Variants in PDS5B observed in about 807,000 individuals in gnomAD.
PDS5B encodes the protein PDS5 cohesin associated factor B, also known as sister chromatid cohesion protein PDS5 homolog B.
In PDS5B, 51 loss-of-function variants were observed where a neutral mutation model predicts 184.1. That is an observed-to-expected ratio of 0.28 (90% CI 0.22 to 0.35). The LOEUF is 0.35. PDS5B is among the 10% of genes least tolerant of loss of function. The pLI is 1.00. For synonymous variants in PDS5B, 566 were observed against 569.2 expected (o/e 0.99, Z 0.08); for missense variants, 1,180 against 1,723.3 (o/e 0.68, Z 5.58).
intron 6 of PDS5B, among the ~76,000 whole-genome samples, chr13:32,663,329 GAA>G (rs572233586): frequency 1.8e-5 from 2 of 108,906 alleles, no homozygotes; most frequent in Non-Finnish European, 4.0e-5. Flanking sequence ...AACCAAGCAA[GAA>G]AAAAAAAAAA....
intron 19 of PDS5B, among the ~76,000 whole-genome samples, chr13:32,714,812 G>A (rs1952322629): frequency 6.6e-6 from 1 of 152,044 alleles, no homozygotes; most frequent in South Asian, 2.1e-4. Context: ...TATATAATTT[G>A]TGTAGTTAAC....
rs768465820 is a variant in PDS5B at position 32,638,759 on chromosome 13, A to C, written c.-19-9995A>C. On this transcript the variant is annotated intron_variant, in intron 1 of 34. Coordinates refer to ENST00000315596, the MANE Select transcript of PDS5B (RefSeq NM_015032.4). ...AGGATGGGATTTTGTGTGCTTATGAAGGGGTTAGTGTTTTGATGTGAGGAG... is the reference window on the plus strand; with the variant it reads ...AGGATGGGATTTTGTGTGCTTATGACGGGGTTAGTGTTTTGATGTGAGGAG... 3.0e-4 allele frequency among the ~76,000 whole-genome samples: 45 copies of C among 152,112 alleles called. No homozygotes were observed. The Middle Eastern group carries it at 0.014, about 46-fold the overall frequency.
intron 1 of PDS5B, among the ~76,000 whole-genome samples, chr13:32,594,142 C>T (rs2057819740): frequency 6.6e-6 from 1 of 152,058 alleles, no homozygotes; most frequent in African/African-American, 2.4e-5. Flanking sequence ...AAATAAAACC[C>T]CCGAACCTAC....
intron 1 of PDS5B, among the ~76,000 whole-genome samples, chr13:32,633,902 CTTTTATGCCCA>C (rs1475244303): frequency 6.6e-6 from 1 of 152,114 alleles, no homozygotes; most frequent in East Asian, 1.9e-4. Flanking sequence ...ATGGGTGGTA[CTTTTATGCCCA>C]TTTTATTGTC....
intron 13 of PDS5B, chr13:32,690,428 T>C (rs1217161868): frequency 1.3e-5 from 2 of 152,078 alleles, no homozygotes; most frequent in Non-Finnish European, 2.9e-5. Flanking sequence ...AAGTAATGAG[T>C]ATGAAGGTGT....
chr13:32,703,831 A>G (rs1951930668), intron 17 of PDS5B, among the ~76,000 whole-genome samples: 1 of 152,234 alleles, frequency 6.6e-6, no homozygotes, highest in African/African-American at 2.4e-5. Context: ...TGTTTCAAAT[A>G]GAAAAGTTGA....
Position 32,761,610 on chromosome 13 carries a change from G to A in PDS5B, c.3518+890G>A, listed in dbSNP as rs1328653624. Among the ~76,000 whole-genome samples the A allele has an allele frequency of 3.9e-5, 6 of 152,016 alleles. No individual in the cohort carries two copies. In the East Asian group the frequency reaches 9.6e-4, roughly 24 times the overall value. ...CTGTGTTAATTTGCTCAGGACTGTG[G>A]CCTTCTTGCTGTGAAGTACATGATT... On this transcript the variant is annotated intron_variant, in intron 30 of 34. Coordinates refer to ENST00000315596, the MANE Select transcript of PDS5B (RefSeq NM_015032.4).
intron 1 of PDS5B, among the ~76,000 whole-genome samples, chr13:32,629,205 G>A (rs936774688): frequency 2.0e-5 from 3 of 151,972 alleles, no homozygotes; most frequent in Admixed American, 1.3e-4. Flanking sequence ...TTGGTTAGAA[G>A]AGTTTGTTTC....
At chr13:32,617,937 C>T (rs2140526621) in intron 1 of PDS5B, among the ~76,000 whole-genome samples, 1 of 152,262 alleles carries the variant, frequency 6.6e-6, no homozygotes. Context: ...AAATTTATTT[C>T]TCACAGTTCT....
intron 10 of PDS5B, among the ~76,000 whole-genome samples, chr13:32,680,421 A>C (rs1398379107): frequency 1.3e-5 from 2 of 152,208 alleles, no homozygotes; most frequent in Admixed American, 1.3e-4. Context: ...TCATCCTGTC[A>C]AATTTCTAAT....
intron 1 of PDS5B, among the ~76,000 whole-genome samples, chr13:32,590,964 A>T (rs1229679616): frequency 7.4e-6 from 1 of 136,046 alleles, no homozygotes; most frequent in Non-Finnish European, 1.5e-5. Context: ...GGTATATGGT[A>T]AAAAAAAAAA....
Position 32,770,155 on chromosome 13 carries a change from C to G in PDS5B, c.3659C>G (p.Thr1220Arg), listed in dbSNP as rs199723708. The G allele has an allele frequency of 2.5e-6, 4 of 1,612,084 alleles. No homozygotes were observed. The East Asian group carries it at 8.9e-5, about 36-fold the overall frequency. ...GAGAAGCCTAGAGGCAGGAAAAAAA[C>G]GCCCGTCACAGAACAGGAGGAGAAA... Reference protein sequence around the residue: ...ELEKPRGRKKTPVTEQEEKLG... With the variant: ...ELEKPRGRKKRPVTEQEEKLG... Residue 1220 changes from threonine (T) to arginine (R), a missense_variant, in exon 32 of 35, where the codon ACG becomes AGG. By Grantham distance (71) the Thr-to-Arg change is moderately conservative. This residue lies in a region of PDS5B where 465 missense variants were observed against 497.8 expected (regional missense o/e 0.93). Transcript: ENST00000315596.
rs533924925 is a variant in PDS5B, at chr13:32,614,107, G to A, written c.-20+27514G>A. ...TTGGTGTATATCTCATTGTGCCAGTGCTGTACTGTCTTAGTTAATGTAGCT... is the reference window on the plus strand; with the variant it reads ...TTGGTGTATATCTCATTGTGCCAGTACTGTACTGTCTTAGTTAATGTAGCT... On this transcript the variant is annotated intron_variant, in intron 1 of 34. Coordinates refer to ENST00000315596, the MANE Select transcript of PDS5B (RefSeq NM_015032.4). Among the ~76,000 whole-genome samples, 4 of 152,168 alleles carry A rather than the reference G, an allele frequency of 2.6e-5. No homozygotes were observed. The South Asian group carries it at 6.2e-4, about 24-fold the overall frequency.
chr13:32,705,304 G>C (rs997339884), intron 17 of PDS5B, among the ~76,000 whole-genome samples: 1 of 152,114 alleles, frequency 6.6e-6, no homozygotes, highest in Non-Finnish European at 1.5e-5. Flanking sequence ...AAATCTTGGG[G>C]CTACTGAAAA....
chr13:32,720,168 A>G (rs1422073997), intron 19 of PDS5B, among the ~76,000 whole-genome samples: 1 of 152,258 alleles, frequency 6.6e-6, no homozygotes, highest in Non-Finnish European at 1.5e-5. Context: ...AGCAAAGAGA[A>G]TGAACAGGAA....
rs1953289518 is a variant in PDS5B, at chr13:32,735,225, G to A, written c.2301G>A (p.Leu767=). ...PSNLEHLITP[L]VTIGHIALLA... is the part of the protein sequence containing the mutation. Reference sequence around the variant, plus strand: ...ACCTGGAACATCTCATAACACCATTGGTTACTATTGGTCATATTGCTCTCC... The same window carrying A: ...ACCTGGAACATCTCATAACACCATTAGTTACTATTGGTCATATTGCTCTCC... The change falls in exon 21 of 35, where the codon TTG becomes TTA. Residue 767 remains leucine, a synonymous_variant. Transcript: ENST00000315596. 6.2e-7 allele frequency: 1 copy of A among 1,611,122 alleles called. No homozygotes were observed. Among genetic ancestry groups the A allele is most frequent in the Admixed American group, 1.7e-5 (1 of 59,874 alleles).
chr13:32,699,821 A>C lies in PDS5B; in HGVS notation c.1692A>C (p.Glu564Asp). Residue 564 changes from glutamate (E) to aspartate (D), a missense_variant, in exon 16 of 35, where the codon GAA becomes GAC. Around this residue, in one of 11 missense-constraint regions of PDS5B, gnomAD observed 475 missense variants for 691.5 expected, o/e 0.69. Coordinates refer to ENST00000315596, the MANE Select transcript of PDS5B (RefSeq NM_015032.4). Reference sequence around the variant, plus strand: ...ATGAGAAAATAAGAAAGCAGTTAGAAGTACTTGTTAGTCCAACATGCTCCT... The same window carrying C: ...ATGAGAAAATAAGAAAGCAGTTAGACGTACTTGTTAGTCCAACATGCTCCT... ...EDDEKIRKQL[E>D]VLVSPTCSCK... 1 of 1,580,432 alleles carries C rather than the reference A, an allele frequency of 6.3e-7. No individual in the cohort carries two copies. Among genetic ancestry groups the C allele is most frequent in the Non-Finnish European group, 8.6e-7 (1 of 1,166,488 alleles).
Position 32,760,584 on chromosome 13 carries a change from A to G in PDS5B, c.3382A>G (p.Thr1128Ala). 1 of 1,613,572 alleles carries G rather than the reference A, an allele frequency of 6.2e-7. No individual in the cohort carries two copies. The highest frequency in any genetic ancestry group is 8.5e-7 in the Non-Finnish European group (1 of 1,179,820). The change falls in exon 30 of 35, where the codon ACC (threonine) becomes GCC (alanine). Residue 1128 changes from threonine to alanine, a missense_variant. By Grantham distance (58) the Thr-to-Ala change is moderately conservative (BLOSUM62 0). Around this residue, in one of 11 missense-constraint regions of PDS5B, gnomAD observed 465 missense variants for 497.8 expected, o/e 0.93. Coordinates refer to ENST00000315596, the MANE Select transcript of PDS5B (RefSeq NM_015032.4). ...GCATTTCTCATTTCAGCCTAAAACA[A>G]CCAATGTTCTAGGAGCTGTTAACAA... ...SFFTPGKPKT[T>A]NVLGAVNKPL... is the part of the protein sequence containing the mutation.
At chr13:32,686,776 G>T (rs370495851) in intron 11 of PDS5B, among the ~76,000 whole-genome samples, 2 of 149,084 alleles carry the variant, frequency 1.3e-5, no homozygotes, top group Admixed American at 6.8e-5. Context: ...CAGAGATCCT[G>T]TCTCTAAAAA....
Sources: allele counts gnomAD v4.1 joint callset (sites outside exome capture counted in the v4.1 genomes callset), GRCh38; gene constraint gnomAD v4.1.1; regional missense constraint gnomAD v4.1.1; transcripts MANE v1.5; gene names NCBI Gene and HGNC (gene_info 2026-07-23, HGNC 2026-07-21).